MC2R: variants seen among roughly 807,000 people sequenced by gnomAD.
The protein encoded by MC2R is melanocortin 2 receptor, also known as adrenocorticotropic hormone receptor.
Under a neutral mutation model 9.8 loss-of-function variants are expected in MC2R, and 9 were observed. The observed-to-expected ratio is 0.92, with a 90% confidence interval of 0.55 to 1.60. MC2R has a LOEUF of 1.60. MC2R is among the 40% of genes most tolerant of loss of function. MC2R has a pLI of 0.00. For synonymous variants in MC2R, 185 were observed against 154.7 expected, an observed-to-expected ratio of 1.20 and a Z score of -1.45; for missense variants, 370 against 389.0, an observed-to-expected ratio of 0.95 and a Z score of 0.41.
intron 1 of MC2R, among the ~76,000 whole-genome samples, chr18:13,914,241 G>A (rs74868297): frequency 0.011 from 1,724 of 152,146 alleles, 31 homozygotes; most frequent in African/African-American, 0.04. Flanking sequence ...CGGCCTAAGC[G>A]GTGTCCCAAA....
intron 1 of MC2R, among the ~76,000 whole-genome samples, chr18:13,889,669 A>G (rs574310087): frequency 2.6e-5 from 4 of 152,216 alleles, no homozygotes; most frequent in African/African-American, 9.6e-5. Context: ...AGATTTTTAT[A>G]TTGATCATCA....
chr18:13,898,379 C>T (rs2045358977), intron 1 of MC2R, among the ~76,000 whole-genome samples: 1 of 152,212 alleles, frequency 6.6e-6, no homozygotes, highest in Non-Finnish European at 1.5e-5. Flanking sequence ...AGGTAGACTT[C>T]TAAGGTTTGT....
At chr18:13,893,323 A>C (rs1396198010) in intron 1 of MC2R, among the ~76,000 whole-genome samples, 2 of 152,210 alleles carry the variant, frequency 1.3e-5, no homozygotes, top group African/African-American at 2.4e-5. Flanking sequence ...TTGATAGTGA[A>C]AGTCAGAGAG....
At chr18:13,890,451 C>T (rs968466428) in intron 1 of MC2R, among the ~76,000 whole-genome samples, 2 of 152,040 alleles carry the variant, frequency 1.3e-5, no homozygotes, top group African/African-American at 4.8e-5. Context: ...GTCCTGTAAT[C>T]CAGGCTTTAG....
intron 1 of MC2R, among the ~76,000 whole-genome samples, chr18:13,886,496 A>G (rs1304941086): frequency 6.6e-6 from 1 of 152,182 alleles, no homozygotes; most frequent in Non-Finnish European, 1.5e-5. Flanking sequence ...TCTGACTGGG[A>G]GGCGGTGGCT....
At chr18:13,913,176 C>T (rs1464257001) in intron 1 of MC2R, among the ~76,000 whole-genome samples, 1 of 106,972 alleles carries the variant, frequency 9.3e-6, no homozygotes, top group Non-Finnish European at 1.9e-5. Flanking sequence ...AGGCATGAAG[C>T]CCAGGCTGGA....
chr18:13,914,284 A>T (rs1293158990), intron 1 of MC2R, among the ~76,000 whole-genome samples: 1 of 152,088 alleles, frequency 6.6e-6, no homozygotes, highest in East Asian at 1.9e-4. Context: ...CCCTGCTCCC[A>T]CAGCTCTTTG....
intron 1 of MC2R, among the ~76,000 whole-genome samples, chr18:13,895,817 T>C (rs796660005): frequency 1.2e-4 from 19 of 152,054 alleles, no homozygotes; most frequent in African/African-American, 4.3e-4. Flanking sequence ...GCAAATTCTG[T>C]GAGAAGGTGG....
Position 13,889,529 on chromosome 18 carries a change from G to A in MC2R, c.-128-3883C>T, listed in dbSNP as rs117812643. 6.5e-3 allele frequency among the ~76,000 whole-genome samples: 995 copies of A among 152,194 alleles called. 7 individuals carry two copies. The highest frequency in any genetic ancestry group is 0.013 in the Admixed American group (202 of 15,290). On this transcript the variant is annotated intron_variant, in intron 1 of 1. Coordinates refer to ENST00000327606, the MANE Select transcript of MC2R (RefSeq NM_000529.2). ...CTTTTGTTTTTTGGCTGGGAGGGGC[G>A]CACAAATCATCGAGTTAACAGCATC... is the stretch of plus-strand genomic sequence containing the variant.
chr18:13,906,103 C>A (rs1401368098), intron 1 of MC2R, among the ~76,000 whole-genome samples: 1 of 152,096 alleles, frequency 6.6e-6, no homozygotes, highest in Non-Finnish European at 1.5e-5. Context: ...ATATATAAAT[C>A]ATTCTACTAT....
chr18:13,888,482 C>T (rs2045291513), intron 1 of MC2R, among the ~76,000 whole-genome samples: 1 of 152,192 alleles, frequency 6.6e-6, no homozygotes, highest in Non-Finnish European at 1.5e-5. Context: ...GAGGAAGCTA[C>T]CCCAGAAAGG....
At chr18:13,887,685 C>T (rs1192185214) in intron 1 of MC2R, among the ~76,000 whole-genome samples, 1 of 152,186 alleles carries the variant, frequency 6.6e-6, no homozygotes, top group Non-Finnish European at 1.5e-5. Context: ...GGATAACAGA[C>T]CAGCTCCTCG....
chr18:13,913,776 G>A (rs931175276), intron 1 of MC2R, among the ~76,000 whole-genome samples: 2 of 152,150 alleles, frequency 1.3e-5, no homozygotes, highest in Non-Finnish European at 2.9e-5. Context: ...AGGGAGCCCA[G>A]GATTGCTGCC....
At chr18:13,898,631 G>A (rs2045360796) in intron 1 of MC2R, among the ~76,000 whole-genome samples, 1 of 152,206 alleles carries the variant, frequency 6.6e-6, no homozygotes, top group Admixed American at 6.5e-5. Context: ...GTGACGAGGT[G>A]CTTGCGTCAC....
chr18:13,902,884 A>G (rs756019116), intron 1 of MC2R, among the ~76,000 whole-genome samples: 1 of 152,198 alleles, frequency 6.6e-6, no homozygotes, highest in African/African-American at 2.4e-5. Flanking sequence ...AAAGGAAACA[A>G]CCCACAAAGT....
rs2045271516 is a variant in MC2R at position 13,885,578 on chromosome 18, A to G, written c.-60T>C. 3 of 1,577,790 alleles carry G rather than the reference A, an allele frequency of 1.9e-6. No homozygotes were observed. The highest frequency in any genetic ancestry group is 1.3e-5 in the African/African-American group (1 of 74,376). On this transcript the variant is annotated 5_prime_UTR_variant, in exon 2 of 2. Coordinates refer to ENST00000327606, the MANE Select transcript of MC2R (RefSeq NM_000529.2). ...TGGACTTGACTTCACGGAAAACTTG[A>G]TTGATTCTTCAGGATCTTTTCTTCC...
chr18:13,911,389 C>T (rs973987549), intron 1 of MC2R, among the ~76,000 whole-genome samples: 4 of 152,186 alleles, frequency 2.6e-5, no homozygotes, highest in Admixed American at 2.6e-4. Flanking sequence ...CTCAAAATTT[C>T]CTCTTTTGAA....
intron 1 of MC2R, among the ~76,000 whole-genome samples, chr18:13,908,979 T>G (rs2045429560): frequency 6.6e-6 from 1 of 152,182 alleles, no homozygotes; most frequent in African/African-American, 2.4e-5. Context: ...AGTGGACCAA[T>G]ATTGACACAC....
At chr18:13,890,405 T>C (rs1331419516) in intron 1 of MC2R, among the ~76,000 whole-genome samples, 1 of 152,154 alleles carries the variant, frequency 6.6e-6, no homozygotes, top group Non-Finnish European at 1.5e-5. Flanking sequence ...GGCTGAGTAC[T>C]GTTTACCAGG....
Sources: gnomAD v4.1 joint callset for allele counts (sites outside exome capture counted in the v4.1 genomes callset) on GRCh38, gnomAD v4.1.1 for gene constraint, MANE v1.5 for transcripts, NCBI Gene and HGNC (gene_info 2026-07-23, HGNC 2026-07-21) for gene names.